Variants in SCAPER observed in about 807,000 individuals in gnomAD.
SCAPER encodes S phase cyclin A-associated protein in the endoplasmic reticulum.
A neutral mutation model predicts 182.2 loss-of-function variants in SCAPER; 98 were observed. The ratio of observed to expected loss-of-function variants is 0.54; its 90% CI spans 0.46 to 0.64. SCAPER has a LOEUF of 0.64. Among genes scored for constraint, SCAPER ranks in the 30% least tolerant of loss-of-function variants. SCAPER has a pLI of 0.00. For synonymous variants in SCAPER, 605 were observed against 564.6 expected (o/e 1.07, Z -1.01); for missense variants, 1,432 against 1,690.0 (o/e 0.85, Z 2.68).
chr15:76,457,406 T>C (rs1233280715), intron 25 of SCAPER, among the ~76,000 whole-genome samples: 1 of 152,240 alleles, frequency 6.6e-6, no homozygotes, highest in Non-Finnish European at 1.5e-5. Flanking sequence ...TTAGGTCTAC[T>C]GTTTTATTAT....
intron 28 of SCAPER, chr15:76,380,923 T>C (rs2042903692): frequency 3.3e-5 from 5 of 152,504 alleles, no homozygotes; most frequent in Admixed American, 3.3e-4. Context: ...TAATTTTGGT[T>C]CTATTTACGT....
At chr15:76,688,237 C>T (rs1454854926) in intron 20 of SCAPER, among the ~76,000 whole-genome samples, 1 of 152,144 alleles carries the variant, frequency 6.6e-6, no homozygotes, top group Non-Finnish European at 1.5e-5. Flanking sequence ...TAAATGTCTT[C>T]TTTTGAGAAG....
At chr15:76,457,813 CAT>C in intron 25 of SCAPER, among the ~76,000 whole-genome samples, 1 of 152,224 alleles carries the variant, frequency 6.6e-6, no homozygotes, top group Non-Finnish European at 1.5e-5. Context: ...TTAACCATCA[CAT>C]GTATTTTTTA....
At chr15:76,471,553 T>C (rs2050170224) in intron 24 of SCAPER, among the ~76,000 whole-genome samples, 1 of 152,230 alleles carries the variant, frequency 6.6e-6, no homozygotes, top group Non-Finnish European at 1.5e-5. Context: ...TAATAACTCT[T>C]ACTAATTTCT....
chr15:76,621,250 C>T (rs1036239074), intron 22 of SCAPER, among the ~76,000 whole-genome samples: 2 of 152,138 alleles, frequency 1.3e-5, no homozygotes, highest in African/African-American at 4.8e-5. Flanking sequence ...GTTTACCTAG[C>T]TATTATTTAA....
chr15:76,767,201 A>T, intron 10 of SCAPER, 113 bp from the exon 11 acceptor site: 1 of 1,037,900 alleles, frequency 9.6e-7, no homozygotes, highest in Admixed American at 3.1e-5. Context: ...GTATTGATCT[A>T]GAATCATAAA....
At chr15:76,698,418 C>T (rs920185853) in intron 20 of SCAPER, among the ~76,000 whole-genome samples, 1 of 152,196 alleles carries the variant, frequency 6.6e-6, no homozygotes, top group African/African-American at 2.4e-5. Flanking sequence ...CGTGAACTGG[C>T]TTGTACTGGA....
intron 30 of SCAPER, among the ~76,000 whole-genome samples, chr15:76,353,608 A>G (rs959577486): frequency 3.9e-5 from 6 of 152,248 alleles, no homozygotes; most frequent in Non-Finnish European, 8.8e-5. Flanking sequence ...TCTATTTCCT[A>G]TAGTTAGAAT....
At chr15:76,546,055 T>C (rs2045256764) in intron 23 of SCAPER, among the ~76,000 whole-genome samples, 1 of 151,990 alleles carries the variant, frequency 6.6e-6, no homozygotes, top group Non-Finnish European at 1.5e-5. Flanking sequence ...AACCCAAAAA[T>C]AGCTATGCCT....
chr15:76,805,803 G>A (rs1409291825), intron 5 of SCAPER, among the ~76,000 whole-genome samples: 6 of 151,972 alleles, frequency 3.9e-5, no homozygotes, highest in South Asian at 2.1e-4. Flanking sequence ...TCCTGACCTC[G>A]TGATCCACCT....
At chr15:76,813,426 T>G (rs1055743793) in intron 5 of SCAPER, among the ~76,000 whole-genome samples, 5 of 151,398 alleles carry the variant, frequency 3.3e-5, no homozygotes, top group African/African-American at 1.2e-4. Context: ...TTCTAGTCAA[T>G]GTAGTACTGA....
At chr15:76,527,828 T>A (rs1026948554) in intron 23 of SCAPER, among the ~76,000 whole-genome samples, 4 of 152,160 alleles carry the variant, frequency 2.6e-5, no homozygotes, top group Non-Finnish European at 5.9e-5. Flanking sequence ...CTGTTTAAAA[T>A]TTTTTTATTT....
intron 1 of SCAPER, among the ~76,000 whole-genome samples, chr15:76,885,157 G>A (rs1218960911): frequency 6.6e-6 from 1 of 152,192 alleles, no homozygotes; most frequent in Non-Finnish European, 1.5e-5. Context: ...AAATTATATT[G>A]TAAATGAATC....
intron 24 of SCAPER, among the ~76,000 whole-genome samples, chr15:76,483,178 G>C (rs1465332251): frequency 1.3e-5 from 2 of 151,646 alleles, no homozygotes; most frequent in African/African-American, 4.8e-5. Context: ...GAATAAGGGA[G>C]ACCAGAATTA....
intron 5 of SCAPER, among the ~76,000 whole-genome samples, chr15:76,824,559 G>A (rs1037258835): frequency 3.9e-5 from 6 of 152,074 alleles, no homozygotes; most frequent in Non-Finnish European, 5.9e-5. Flanking sequence ...AAATGAAAAC[G>A]AGTTTCTTAA....
chr15:76,868,903 G>A (rs2072496622), intron 2 of SCAPER, among the ~76,000 whole-genome samples: 3 of 152,034 alleles, frequency 2.0e-5, no homozygotes, highest in Admixed American at 2.0e-4. Flanking sequence ...CATGGTACTG[G>A]CATAAAAACA....
At chr15:76,832,815 C>T (rs1030478676) in intron 5 of SCAPER, among the ~76,000 whole-genome samples, 3 of 152,182 alleles carry the variant, frequency 2.0e-5, no homozygotes, top group Non-Finnish European at 4.4e-5. Context: ...TGCCTTCTGC[C>T]ATGAGTAAAA....
At chr15:76,514,021 C>T (rs2042241786) in intron 23 of SCAPER, among the ~76,000 whole-genome samples, 1 of 152,180 alleles carries the variant, frequency 6.6e-6, no homozygotes, top group South Asian at 2.1e-4. Flanking sequence ...AGCCTATACT[C>T]TCCTATGTCT....
chr15:76,828,861 A>T (rs912938328), intron 5 of SCAPER, among the ~76,000 whole-genome samples: 1 of 152,194 alleles, frequency 6.6e-6, no homozygotes. Flanking sequence ...AAACGATAAG[A>T]TTATAACATT....
Sources: gnomAD v4.1 joint callset for allele counts (sites outside exome capture counted in the v4.1 genomes callset) on GRCh38, gnomAD v4.1.1 for gene constraint, MANE v1.5 for transcripts, NCBI Gene and HGNC (gene_info 2026-07-23, HGNC 2026-07-21) for gene names.